The following NCALD variants were observed in gnomAD, a reference collection of about 807,000 sequenced individuals.
NCALD encodes the protein neurocalcin delta, also known as neurocalcin-delta.
Under a neutral mutation model 18.6 loss-of-function variants are expected in NCALD, and 10 were observed. The observed-to-expected ratio is 0.54, with a 90% CI of 0.33 to 0.91. The LOEUF (loss-of-function observed/expected upper bound fraction) is 0.91. Ranked by LOEUF, NCALD falls within the 40% of genes least tolerant of loss-of-function variation. The pLI is 0.03. For missense variants in NCALD, 184 were observed against 247.6 expected (o/e 0.74, Z 1.72); for synonymous variants, 88 against 87.4 (o/e 1.01, Z -0.04).
chr8:101,868,424 G>A (rs1293277611), intron 4 of NCALD, among the ~76,000 whole-genome samples: 1 of 152,074 alleles, frequency 6.6e-6, no homozygotes, highest in East Asian at 1.9e-4. Context: ...GATTCACGCT[G>A]ACTTCCTAGA....
chr8:101,999,782 C>T (rs1404630853), intron 2 of NCALD, among the ~76,000 whole-genome samples: 1 of 151,160 alleles, frequency 6.6e-6, no homozygotes, highest in Non-Finnish European at 1.5e-5. Context: ...TATTCCTTTG[C>T]AATTACAAAA....
chr8:102,060,999 T>A (rs1823830936), intron 1 of NCALD, among the ~76,000 whole-genome samples: 3 of 152,186 alleles, frequency 2.0e-5, no homozygotes, highest in Admixed American at 2.0e-4. Flanking sequence ...TTGATCGTGC[T>A]CTTTCAGACT....
At chr8:101,740,222 A>G (rs1277664230) in intron 1 of NCALD, among the ~76,000 whole-genome samples, 6 of 152,256 alleles carry the variant, frequency 3.9e-5, no homozygotes, top group Non-Finnish European at 8.8e-5. Context: ...TACCACTAAC[A>G]TCTGCTGAAC....
intron 1 of NCALD, among the ~76,000 whole-genome samples, chr8:102,057,803 T>A (rs1413992743): frequency 6.6e-6 from 1 of 152,238 alleles, no homozygotes; most frequent in African/African-American, 2.4e-5. Context: ...AAGGGAAAAA[T>A]TTTTGAATAA....
intron 4 of NCALD, among the ~76,000 whole-genome samples, chr8:101,855,643 A>G (rs887611588): frequency 5.9e-5 from 9 of 152,178 alleles, no homozygotes; most frequent in Non-Finnish European, 1.3e-4. Context: ...AATGATCATC[A>G]CACATCTTGA....
chr8:101,783,827 A>C (rs957885304), intron 1 of NCALD, among the ~76,000 whole-genome samples: 6 of 152,204 alleles, frequency 3.9e-5, no homozygotes, highest in African/African-American at 7.2e-5. Flanking sequence ...CATTGTTCCA[A>C]ATTTCCAAAA....
At chr8:101,814,112 A>C (rs1436836620) in intron 4 of NCALD, among the ~76,000 whole-genome samples, 2 of 152,088 alleles carry the variant, frequency 1.3e-5, no homozygotes, top group Non-Finnish European at 2.9e-5. Flanking sequence ...ATTCTCAATG[A>C]TCTCATTCAG....
chr8:102,041,802 C>T (rs1440281186), intron 1 of NCALD, among the ~76,000 whole-genome samples: 1 of 152,096 alleles, frequency 6.6e-6, no homozygotes, highest in Non-Finnish European at 1.5e-5. Flanking sequence ...AGTCTGAATG[C>T]AAAGGCAACA....
At chr8:101,903,283 G>A (rs1395017328) in intron 3 of NCALD, among the ~76,000 whole-genome samples, 5 of 148,760 alleles carry the variant, frequency 3.4e-5, no homozygotes, top group African/African-American at 7.5e-5. Flanking sequence ...TGCAACCTCC[G>A]CCTCTCGGGT....
chr8:101,956,310 T>C (rs1412571103), intron 2 of NCALD, among the ~76,000 whole-genome samples: 2 of 152,152 alleles, frequency 1.3e-5, no homozygotes, highest in Non-Finnish European at 2.9e-5. Context: ...TAACATGTTT[T>C]AGAATGTGAG....
intron 4 of NCALD, among the ~76,000 whole-genome samples, chr8:101,885,902 C>T (rs942442094): frequency 6.6e-6 from 1 of 152,194 alleles, no homozygotes; most frequent in Non-Finnish European, 1.5e-5. Flanking sequence ...AGCCAAGGAA[C>T]TAAAGCAATG....
rs201255254 is a variant in NCALD at position 101,893,024 on chromosome 8, T to C, written c.-106-5797A>G. 1.9e-4 allele frequency among the ~76,000 whole-genome samples: 28 copies of C among 149,020 alleles called. 2 individuals carry two copies. Among genetic ancestry groups the C allele is most frequent in the African/African-American group, 6.4e-4 (25 of 38,978 alleles). On this transcript the variant is annotated intron_variant, in intron 3 of 6. Transcript: ENST00000311028. ...GGAAATACAGAGAACGCCACAAAGA[T>C]ACTCCTCGAGAAGAGCAACTCCAAG...
At chr8:102,002,763 G>C (rs1179370394) in intron 2 of NCALD, among the ~76,000 whole-genome samples, 5 of 152,134 alleles carry the variant, frequency 3.3e-5, no homozygotes, top group Admixed American at 6.5e-5. Flanking sequence ...TGAACAACCT[G>C]CTCCTGAATG....
chr8:101,960,321 T>A (rs1206961604), intron 2 of NCALD, among the ~76,000 whole-genome samples: 1 of 151,968 alleles, frequency 6.6e-6, no homozygotes, highest in African/African-American at 2.4e-5. Flanking sequence ...AGGGAAAAAA[T>A]AAGTTCCCTC....
intron 1 of NCALD, among the ~76,000 whole-genome samples, chr8:102,115,912 A>G (rs1485954167): frequency 1.3e-5 from 2 of 152,180 alleles, no homozygotes; most frequent in Non-Finnish European, 2.9e-5. Flanking sequence ...GAAAACGTTT[A>G]GCTGAGACAG....
chr8:102,012,238 G>A (rs187356824), intron 2 of NCALD, among the ~76,000 whole-genome samples: 2 of 152,262 alleles, frequency 1.3e-5, no homozygotes, highest in East Asian at 1.9e-4. Context: ...GAACAAGCCC[G>A]AATGTCACCT....
chr8:101,827,663 T>C (rs569244967), intron 4 of NCALD, among the ~76,000 whole-genome samples: 9 of 152,318 alleles, frequency 5.9e-5, no homozygotes, highest in Admixed American at 1.3e-4. Flanking sequence ...TGGTTCCAAG[T>C]TATTACATCA....
intron 2 of NCALD, among the ~76,000 whole-genome samples, chr8:101,997,607 C>T (rs568070026): frequency 3.9e-5 from 6 of 152,274 alleles, no homozygotes; most frequent in Middle Eastern, 3.4e-3. Context: ...GTAATCTTCT[C>T]GGCATGGCGT....
chr8:101,848,037 GAC>G (rs1313275828), intron 4 of NCALD, among the ~76,000 whole-genome samples: 3 of 152,148 alleles, frequency 2.0e-5, no homozygotes, highest in Non-Finnish European at 4.4e-5. Context: ...GATATAAAGA[GAC>G]TTTGGGGGTT....
Sources: allele counts gnomAD v4.1 joint callset (sites outside exome capture counted in the v4.1 genomes callset), GRCh38; gene constraint gnomAD v4.1.1; transcripts MANE v1.5; gene names NCBI Gene and HGNC (gene_info 2026-07-23, HGNC 2026-07-21).